The following MATN3 variants were observed in gnomAD, a reference collection of about 807,000 sequenced individuals.
MATN3 encodes the protein matrilin-3.
MATN3 carries 48 observed loss-of-function variants against 45.3 expected under a neutral mutation model. The ratio of observed to expected loss-of-function variants is 1.06; its 90% CI spans 0.84 to 1.35. The LOEUF (loss-of-function observed/expected upper bound fraction) is 1.35. MATN3 is among the 40% of genes most tolerant of loss of function. MATN3 has a pLI of 0.00. For missense variants in MATN3, 599 were observed against 628.0 expected (o/e 0.95, Z 0.49); for synonymous variants, 217 against 245.9 (o/e 0.88, Z 1.10).
intron 5 of MATN3, among the ~76,000 whole-genome samples, chr2:19,998,090 A>T (rs10495701): frequency 0.081 from 12,364 of 152,316 alleles, 710 homozygotes; most frequent in South Asian, 0.2. Flanking sequence ...ATGTCATTTC[A>T]TGGGCAGAAC....
chr2:20,012,582 A>T lies in MATN3; in HGVS notation c.50T>A (p.Leu17His). The T allele has an allele frequency of 2.4e-6, 3 of 1,225,922 alleles. No individual in the cohort carries two copies. The highest frequency in any genetic ancestry group is 3.0e-6 in the Non-Finnish European group (3 of 985,092). The allele number at this position is 1,225,922 out of a possible 1,614,324, so 75.9% of individuals were successfully genotyped here. Reference sequence around the variant, plus strand: ...GGAGGGCAGCAGCAGCAGCGGCCAGAGCAGCAGGAGGAGTCCCGGGAGGCG... The same window carrying T: ...GGAGGGCAGCAGCAGCAGCGGCCAGTGCAGCAGGAGGAGTCCCGGGAGGCG... ...ARRLPGLLLLLWPLLLLPSAA... is the reference protein window; with the variant it reads ...ARRLPGLLLLHWPLLLLPSAA... The change falls in exon 1 of 8, where the codon CTC (leucine) becomes CAC (histidine). Residue 17 changes from leucine (L) to histidine (H), a missense_variant. Coordinates refer to ENST00000407540, the MANE Select transcript of MATN3 (RefSeq NM_002381.5). The surrounding 1 kb of genome is among the most constrained non-coding windows in gnomAD (Gnocchi z 4.3).
Position 20,010,362 on chromosome 2 carries a change from T to C in MATN3, c.223+2047A>G, listed in dbSNP as rs77920034. Among the ~76,000 whole-genome samples, 986 of 152,298 alleles carry C rather than the reference T, an allele frequency of 6.5e-3. 10 individuals are homozygous for C. The highest frequency in any genetic ancestry group is 0.023 in the African/African-American group (946 of 41,562). The stretch of plus-strand genomic sequence containing the variant: ...ACTTGGTTATTCACACCGAATCCTC[T>C]ATTCGGGGTGTGGTATGCAGAATAA... On this transcript the variant is annotated intron_variant, in intron 1 of 7. Transcript: ENST00000407540.
Position 20,005,814 on chromosome 2 carries a change from C to T in MATN3, c.720G>A (p.Glu240=). 1.2e-6 allele frequency: 2 copies of T among 1,610,796 alleles called. No homozygotes were observed. The highest frequency in any genetic ancestry group is 1.7e-6 in the Non-Finnish European group (2 of 1,178,444). The change falls in exon 2 of 8, where the codon GAG becomes GAA. Residue 240 remains glutamate (E), a synonymous_variant. Transcript: ENST00000407540. ...CATAGGTCTCCACGTAGAAAACATG[C>T]TCCTCTAGGGGCTCACTGGCCATCA... ...LKMMASEPLE[E]HVFYVETYGV... is the part of the protein sequence containing the mutation.
In MATN3 at chr2:20,012,458, G is replaced by A. The variant is rs972108467; in HGVS notation, c.174C>T (p.Asp58=). Residue 58 remains aspartate (D), a synonymous_variant, in exon 1 of 8, where the codon GAC becomes GAT. Coordinates refer to ENST00000407540, the MANE Select transcript of MATN3 (RefSeq NM_002381.5). This position sits in a 1 kb window ranked among gnomAD's most constrained non-coding sequence, Gnocchi z 4.3. ...CGCTGGTCCCGGAAGCGGGCGCGCC[G>A]TCGGGAGCCGCAGGAGAGGGGCGGC... ...PGRRPSPAAP[D]GAPASGTSEP... is the part of the protein sequence containing the mutation. 40 of 1,229,264 alleles carry A rather than the reference G, an allele frequency of 3.3e-5. No homozygotes were observed. Among genetic ancestry groups the A allele is most frequent in the Non-Finnish European group, 4.0e-5 (39 of 986,442 alleles). 76.1% of individuals were successfully genotyped at this position (1,229,264 alleles called of 1,614,324 possible).
intron 4 of MATN3, 84 bp downstream of exon 4, chr2:20,001,871 C>T: frequency 7.4e-7 from 1 of 1,346,568 alleles, no homozygotes; most frequent in Non-Finnish European, 1.0e-6. Flanking sequence ...CACCAACTTC[C>T]CAGTCAATGT....
In MATN3 at chr2:19,992,453, C is replaced by T. The variant is rs1299795336; in HGVS notation, c.*658G>A. ...TTTGTACTTGGTAAAAAGTTTAACA[C>T]CCTAAATTCACAACTAGTGCTCTTT... On this transcript the variant is annotated 3_prime_UTR_variant, in exon 8 of 8. Transcript: ENST00000407540. The T allele has an allele frequency of 6.6e-6, 1 of 152,070 alleles. No homozygotes were observed. Among genetic ancestry groups the T allele is most frequent in the African/African-American group, 2.4e-5 (1 of 41,420 alleles). The allele number at this position is 152,070 out of a possible 1,614,324, so 9.4% of individuals were successfully genotyped here. A position where few individuals can be genotyped will look rare whatever the true frequency, so the allele number is the denominator to read the frequency against.
chr2:20,009,479 G>T (rs1673175985), intron 1 of MATN3, among the ~76,000 whole-genome samples: 2 of 151,974 alleles, frequency 1.3e-5, no homozygotes, highest in Non-Finnish European at 2.9e-5. Context: ...GCGCCTGTCA[G>T]GGGGTGGGGG....
intron 1 of MATN3, among the ~76,000 whole-genome samples, chr2:20,007,422 G>A (rs1226978365): frequency 2.0e-5 from 3 of 151,906 alleles, no homozygotes; most frequent in Non-Finnish European, 4.4e-5. Flanking sequence ...CCAGCTACTC[G>A]GGAGGCTGAG....
At chr2:19,996,225 G>T (rs985541999) in intron 6 of MATN3, among the ~76,000 whole-genome samples, 1 of 151,790 alleles carries the variant, frequency 6.6e-6, no homozygotes, top group Non-Finnish European at 1.5e-5. Flanking sequence ...ATGGAGAAAT[G>T]GTGCTTATAA....
rs1673234662 is a variant in MATN3, at chr2:20,012,373, C to G, written c.223+36G>C. The G allele has an allele frequency of 1.6e-6, 2 of 1,220,030 alleles. No individual in the cohort carries two copies. Among genetic ancestry groups the G allele is most frequent in the African/African-American group, 3.1e-5 (2 of 64,024 alleles). 75.6% of individuals were successfully genotyped at this position (1,220,030 alleles called of 1,614,324 possible). Reference sequence around the variant, plus strand: ...TGGATGCCCTGGGCTTCTCCTCGTTCGATGCTCACGCGTCCCTCCCGCCGC... The same window carrying G: ...TGGATGCCCTGGGCTTCTCCTCGTTGGATGCTCACGCGTCCCTCCCGCCGC... On this transcript the variant is annotated intron_variant, in intron 1 of 7. Coordinates refer to ENST00000407540, the MANE Select transcript of MATN3 (RefSeq NM_002381.5). The surrounding 1 kb of genome is among the most constrained non-coding windows in gnomAD (Gnocchi z 4.3).
chr2:20,000,387 G>A (rs1672960951), intron 5 of MATN3, 54 bp downstream of exon 5: 1 of 1,536,000 alleles, frequency 6.5e-7, no homozygotes, highest in African/African-American at 1.4e-5. Context: ...TGAGTTGCAA[G>A]TTGGTTTCAT....
chr2:19,999,604 T>G (rs1011965184), intron 5 of MATN3, among the ~76,000 whole-genome samples: 13 of 143,888 alleles, frequency 9.0e-5, no homozygotes, highest in African/African-American at 3.4e-4. Flanking sequence ...AGGTGTCCGG[T>G]ATTTTTTTAC....
At chr2:19,997,908 T>A (rs757544502) in intron 5 of MATN3, 4 of 152,170 alleles carry the variant, frequency 2.6e-5, no homozygotes, top group Non-Finnish European at 5.9e-5. Flanking sequence ...TTGCCCAAAT[T>A]TGAGTGGAGA....
chr2:20,012,600 G>C lies in MATN3; in HGVS notation c.32C>G (p.Pro11Arg), dbSNP rs541854715. 1.6e-6 allele frequency: 2 copies of C among 1,221,986 alleles called. No individual in the cohort carries two copies. Among genetic ancestry groups the C allele is most frequent in the East Asian group, 6.5e-5 (2 of 30,648 alleles). 75.7% of individuals were successfully genotyped at this position (1,221,986 alleles called of 1,614,324 possible). A position where few individuals can be genotyped will look rare whatever the true frequency, so the allele number is the denominator to read the frequency against. Residue 11 changes from proline (P) to arginine (R), a missense_variant, in exon 1 of 8, where the codon CCG becomes CGG. Pro to Arg is a moderately radical substitution (Grantham distance 103). Coordinates refer to ENST00000407540, the MANE Select transcript of MATN3 (RefSeq NM_002381.5). This position sits in a 1 kb window ranked among gnomAD's most constrained non-coding sequence, Gnocchi z 4.3. Reference sequence around the variant, plus strand: ...CGGCCAGAGCAGCAGGAGGAGTCCCGGGAGGCGGCGCGCGGGGGCCGGGCG... The same window carrying C: ...CGGCCAGAGCAGCAGGAGGAGTCCCCGGAGGCGGCGCGCGGGGGCCGGGCG... MPRPAPARRLPGLLLLLWPLL... is the reference protein window; with the variant it reads MPRPAPARRLRGLLLLLWPLL...
chr2:20,006,712 G>T (rs1223141398), intron 1 of MATN3, among the ~76,000 whole-genome samples: 3 of 152,116 alleles, frequency 2.0e-5, no homozygotes, highest in African/African-American at 7.2e-5. Flanking sequence ...AAAGGCCTTG[G>T]GCCCTCAGGG....
intron 1 of MATN3, among the ~76,000 whole-genome samples, chr2:20,009,015 C>T (rs973751641): frequency 1.3e-5 from 2 of 151,878 alleles, no homozygotes; most frequent in Non-Finnish European, 2.9e-5. Flanking sequence ...ACTTGAGCTC[C>T]GGAGTTCTAG....
chr2:20,003,233 C>T lies in MATN3; in HGVS notation c.844G>A (p.Asp282Asn). ...TCACAGTGGTGCTTGCCTTCCCCAT[C>T]ACTGATGCAGACGTGCTGGCACTGG... ...THQCQHVCIS[D>N]GEGKHHCECS... The change falls in exon 3 of 8, where the codon GAT becomes AAT. Residue 282 changes from aspartate (D) to asparagine (N), a missense_variant. By Grantham distance (23) the Asp-to-Asn change is conservative (BLOSUM62 1). Transcript: ENST00000407540. The T allele has an allele frequency of 6.2e-7, 1 of 1,613,982 alleles. No homozygotes were observed.
At chr2:20,003,415 G>A in intron 2 of MATN3, 129 bp from the exon 3 acceptor site, 1 of 893,050 alleles carries the variant, frequency 1.1e-6, no homozygotes, top group Non-Finnish European at 1.6e-6. Flanking sequence ...ATAAAAAAAT[G>A]GTTATTTGTT....
At chr2:19,999,874 G>C (rs999680014) in intron 5 of MATN3, among the ~76,000 whole-genome samples, 1 of 152,146 alleles carries the variant, frequency 6.6e-6, no homozygotes, top group Non-Finnish European at 1.5e-5. Context: ...TAACAGCACT[G>C]GCCTGGGCTC....
Sources: allele counts gnomAD v4.1 joint callset (sites outside exome capture counted in the v4.1 genomes callset), GRCh38; gene constraint gnomAD v4.1.1; non-coding constraint Gnocchi (gnomAD v3.1); transcripts MANE v1.5; gene names NCBI Gene and HGNC (gene_info 2026-07-23, HGNC 2026-07-21).